SRRM4: variants seen among roughly 807,000 people sequenced by gnomAD.
SRRM4 encodes serine/arginine repetitive matrix protein 4.
SRRM4 carries 33 observed loss-of-function variants against 68.9 expected under a neutral mutation model. The observed-to-expected ratio is 0.48, with a 90% CI of 0.36 to 0.64. The LOEUF (loss-of-function observed/expected upper bound fraction) is 0.64. SRRM4 is among the 30% of genes least tolerant of loss of function. The pLI is 0.00. For missense variants in SRRM4, 817 were observed against 827.1 expected (o/e 0.99, Z 0.15); for synonymous variants, 318 against 318.8 (o/e 1.00, Z 0.03).
At chr12:119,055,786 T>C (rs1391015432) in intron 1 of SRRM4, among the ~76,000 whole-genome samples, 1 of 152,244 alleles carries the variant, frequency 6.6e-6, no homozygotes, top group East Asian at 1.9e-4. Flanking sequence ...TGAACTTCAG[T>C]TTCCTCACCT....
chr12:119,052,525 GTTTGTTTA>G lies in SRRM4; in HGVS notation c.132-49707_132-49700del, dbSNP rs1953750387. ...TTGTTGTTGTTGTTGTTGTTGTTTT[GTTTGTTTA>G]TTTATTTATTTTTGAGACAGAGTCT... On this transcript the variant is annotated intron_variant, in intron 1 of 12. Coordinates refer to ENST00000267260, the MANE Select transcript of SRRM4 (RefSeq NM_194286.4). Among the ~76,000 whole-genome samples the G allele has an allele frequency of 1.3e-4, 19 of 151,282 alleles. No homozygotes were observed. The South Asian group carries it at 3.8e-3, about 30-fold the overall frequency.
intron 7 of SRRM4, among the ~76,000 whole-genome samples, chr12:119,126,976 G>A (rs921412989): frequency 1.0e-4 from 15 of 147,698 alleles, no homozygotes; most frequent in African/African-American, 3.3e-4. Flanking sequence ...ACCAGACACC[G>A]CATATTCTCA....
chr12:119,075,428 ATGATGATGATGG>A (rs200166800), intron 1 of SRRM4, among the ~76,000 whole-genome samples: 42,314 of 137,240 alleles, frequency 0.31, 6,225 homozygotes, highest in East Asian at 0.43. Flanking sequence ...GATGACAGTA[ATGATGATGATGG>A]TGATGATGAT....
chr12:118,992,628 G>T (rs1953324397), intron 1 of SRRM4, among the ~76,000 whole-genome samples: 1 of 152,182 alleles, frequency 6.6e-6, no homozygotes, highest in Admixed American at 6.5e-5. Flanking sequence ...GTTGTTTGCT[G>T]CAGGAACGAG....
intron 1 of SRRM4, among the ~76,000 whole-genome samples, chr12:119,043,929 G>A (rs558134526): frequency 7.9e-5 from 12 of 152,106 alleles, no homozygotes; most frequent in African/African-American, 2.7e-4. Context: ...GCAATGGCGC[G>A]ATCTCAGCTC....
intron 7 of SRRM4, among the ~76,000 whole-genome samples, chr12:119,127,751 G>C (rs1035198926): frequency 2.0e-5 from 3 of 151,252 alleles, no homozygotes; most frequent in Non-Finnish European, 4.4e-5. Flanking sequence ...GAAAAGAAAA[G>C]AAAGGAAGAA....
At chr12:119,052,686 C>A (rs931535954) in intron 1 of SRRM4, among the ~76,000 whole-genome samples, 2 of 151,956 alleles carry the variant, frequency 1.3e-5, no homozygotes, top group Admixed American at 6.6e-5. Flanking sequence ...CCGCCACCAC[C>A]CCGGACTAAT....
intron 7 of SRRM4, among the ~76,000 whole-genome samples, chr12:119,126,632 A>T (rs1954263026): frequency 6.6e-6 from 1 of 152,208 alleles, no homozygotes; most frequent in Admixed American, 6.5e-5. Flanking sequence ...CTCTATGCTA[A>T]TACATTGGTT....
At chr12:118,990,411 G>A (rs944690664) in intron 1 of SRRM4, among the ~76,000 whole-genome samples, 6 of 152,156 alleles carry the variant, frequency 3.9e-5, no homozygotes, top group African/African-American at 1.4e-4. Flanking sequence ...TCAGGGTTCG[G>A]CATTGTCCTA....
At chr12:119,087,391 G>A (rs1472110146) in intron 1 of SRRM4, among the ~76,000 whole-genome samples, 2 of 152,220 alleles carry the variant, frequency 1.3e-5, no homozygotes, top group East Asian at 3.8e-4. Flanking sequence ...GGAAAAAGGA[G>A]TGGAAACAGG....
intron 1 of SRRM4, among the ~76,000 whole-genome samples, chr12:119,037,926 G>A (rs1953640299): frequency 6.6e-6 from 1 of 152,200 alleles, no homozygotes; most frequent in Non-Finnish European, 1.5e-5. Flanking sequence ...TCTCTGCTGA[G>A]CCAGCAGGTC....
chr12:119,131,071 G>A (rs1272195715), intron 8 of SRRM4, among the ~76,000 whole-genome samples: 1 of 152,154 alleles, frequency 6.6e-6, no homozygotes, highest in African/African-American at 2.4e-5. Flanking sequence ...TTTTTATCAG[G>A]GGAATGTTGA....
intron 1 of SRRM4, among the ~76,000 whole-genome samples, chr12:119,100,327 C>CAAAAAAAAAAAAAAAA (rs34887621): frequency 2.8e-5 from 3 of 105,428 alleles, no homozygotes; most frequent in Non-Finnish European, 3.7e-5. Flanking sequence ...CCTGTCTCTA[C>CAAAAAAAAAAAAAAAA]AAAAAAAAAA....
intron 1 of SRRM4, among the ~76,000 whole-genome samples, chr12:118,995,581 A>G (rs1174713175): frequency 6.6e-6 from 1 of 152,186 alleles, no homozygotes; most frequent in African/African-American, 2.4e-5. Flanking sequence ...TGCTACATTA[A>G]TGTAGAATGC....
At chr12:119,091,906 G>A (rs554870735) in intron 1 of SRRM4, among the ~76,000 whole-genome samples, 2 of 152,216 alleles carry the variant, frequency 1.3e-5, no homozygotes, top group East Asian at 3.9e-4. Flanking sequence ...CCCTTCCTCT[G>A]GACTGTGCAC....
At chr12:119,042,305 T>G (rs1953674874) in intron 1 of SRRM4, among the ~76,000 whole-genome samples, 1 of 150,426 alleles carries the variant, frequency 6.6e-6, no homozygotes, top group Admixed American at 6.7e-5. Context: ...GGAGGAGGGG[T>G]CAGAGGGTGG....
intron 1 of SRRM4, among the ~76,000 whole-genome samples, chr12:119,047,329 TA>T (rs201213032): frequency 2.0e-5 from 3 of 152,034 alleles, no homozygotes; most frequent in East Asian, 1.9e-4. Context: ...TTATTAACTT[TA>T]AAATTTTTTT....
At chr12:119,113,080 C>T (rs1954154761) in intron 2 of SRRM4, among the ~76,000 whole-genome samples, 1 of 152,066 alleles carries the variant, frequency 6.6e-6, no homozygotes, top group Admixed American at 6.6e-5. Context: ...AATAAAATGA[C>T]ATCTGATAAT....
chr12:119,044,499 G>A lies in SRRM4; in HGVS notation c.132-57737G>A, dbSNP rs536366456. On this transcript the variant is annotated intron_variant, in intron 1 of 12. Coordinates refer to ENST00000267260, the MANE Select transcript of SRRM4 (RefSeq NM_194286.4). ...TGGAGTCAGAAGCAGAGCTTCCTAA[G>A]CCACATGTCCTGCCTCCCAGAGCCC... Among the ~76,000 whole-genome samples the A allele has an allele frequency of 1.4e-4, 20 of 147,926 alleles. No individual in the cohort carries two copies. The East Asian group carries it at 4.0e-3, about 29-fold the overall frequency.
Sources: gnomAD v4.1 joint callset for allele counts (sites outside exome capture counted in the v4.1 genomes callset) on GRCh38, gnomAD v4.1.1 for gene constraint, MANE v1.5 for transcripts, NCBI Gene and HGNC (gene_info 2026-07-23, HGNC 2026-07-21) for gene names.